Variants in RBFOX1 observed in about 807,000 individuals in gnomAD.
The protein encoded by RBFOX1 is RNA binding fox-1 homolog 1.
RBFOX1 carries 8 observed loss-of-function variants against 57.7 expected under a neutral mutation model. The observed-to-expected ratio is 0.14, with a 90% CI of 0.08 to 0.25. The LOEUF is 0.25. Among genes scored for constraint, RBFOX1 ranks in the 10% least tolerant of loss-of-function variants. The pLI, the probability that RBFOX1 is intolerant of heterozygous loss-of-function variation, is 1.00. For missense variants in RBFOX1, 611 were observed against 548.5 expected (o/e 1.11, Z -1.14); for synonymous variants, 326 against 222.4 (o/e 1.47, Z -4.15).
intron 1 of RBFOX1, among the ~76,000 whole-genome samples, chr16:5,350,695 G>A (rs180932645): frequency 2.6e-4 from 39 of 152,180 alleles, no homozygotes; most frequent in Middle Eastern, 3.4e-3. Flanking sequence ...GTGAAACCCC[G>A]TCTCTAGTGA....
intron 5 of RBFOX1, among the ~76,000 whole-genome samples, chr16:7,571,367 A>G (rs904882029): frequency 1.3e-5 from 2 of 152,198 alleles, no homozygotes; most frequent in Non-Finnish European, 2.9e-5. Context: ...CTACACGACT[A>G]TGCATTTTCT....
intron 1 of RBFOX1, among the ~76,000 whole-genome samples, chr16:6,064,633 C>T (rs112058264): frequency 0.014 from 2,086 of 152,068 alleles, 58 homozygotes; most frequent in African/African-American, 0.048. Context: ...CTCCGCCTCC[C>T]GGGTTCCAGT....
At chr16:7,485,903 G>A (rs903431370) in intron 4 of RBFOX1, among the ~76,000 whole-genome samples, 1 of 152,248 alleles carries the variant, frequency 6.6e-6, no homozygotes, top group Non-Finnish European at 1.5e-5. Context: ...TTGGCACATA[G>A]CCACACCCAT....
chr16:5,332,035 G>T (rs139060590), intron 1 of RBFOX1, among the ~76,000 whole-genome samples: 2 of 152,320 alleles, frequency 1.3e-5, no homozygotes, highest in South Asian at 2.1e-4. Flanking sequence ...GTAGACTCAC[G>T]TCAGGGCCAG....
chr16:6,216,860 C>A lies in RBFOX1; in HGVS notation c.-126-100135C>A, dbSNP rs981508203. On this transcript the variant is annotated intron_variant, in intron 1 of 15. Transcript: ENST00000550418. ...TGAATGTTGACTTTTTGAAAACTTT[C>A]CCTATTTCACTTTTTTTTTTTCCGC... Among the ~76,000 whole-genome samples, 5 of 152,086 alleles carry A rather than the reference C, an allele frequency of 3.3e-5. No individual in the cohort carries two copies. In the East Asian group the frequency reaches 7.7e-4, roughly 24 times the overall value.
At chr16:6,380,332 A>G (rs1044446034) in intron 2 of RBFOX1, among the ~76,000 whole-genome samples, 3 of 147,438 alleles carry the variant, frequency 2.0e-5, no homozygotes, top group Non-Finnish European at 4.5e-5. Context: ...CAGCAAAGGG[A>G]ACACTGGAGG....
chr16:7,468,695 G>A (rs1167081702), intron 4 of RBFOX1, among the ~76,000 whole-genome samples: 2 of 152,140 alleles, frequency 1.3e-5, no homozygotes, highest in Non-Finnish European at 2.9e-5. Context: ...GTCTTCTGAA[G>A]ATAGGTTGTT....
chr16:5,652,040 A>T (rs1234872287), intron 3 of RBFOX1, among the ~76,000 whole-genome samples: 3 of 152,182 alleles, frequency 2.0e-5, no homozygotes, highest in Non-Finnish European at 4.4e-5. Flanking sequence ...AGGCTGAGGC[A>T]CAGGAATCTC....
intron 2 of RBFOX1, among the ~76,000 whole-genome samples, chr16:6,468,886 A>C (rs939223646): frequency 2.6e-5 from 4 of 152,136 alleles, no homozygotes; most frequent in Non-Finnish European, 2.9e-5. Flanking sequence ...TTCATCACCC[A>C]GGTATTAAGC....
chr16:7,152,946 C>G (rs942904184), intron 4 of RBFOX1, among the ~76,000 whole-genome samples: 6 of 152,122 alleles, frequency 3.9e-5, no homozygotes, highest in African/African-American at 1.2e-4. Flanking sequence ...AAGGAGGGAA[C>G]CAAGGAGTGG....
intron 4 of RBFOX1, among the ~76,000 whole-genome samples, chr16:7,343,958 A>G (rs2096944703): frequency 6.6e-6 from 1 of 152,224 alleles, no homozygotes; most frequent in Non-Finnish European, 1.5e-5. Flanking sequence ...CCAAGCGTAA[A>G]GCAATACCAC....
intron 3 of RBFOX1, among the ~76,000 whole-genome samples, chr16:6,880,227 G>A (rs2062658297): frequency 6.6e-6 from 1 of 152,170 alleles, no homozygotes; most frequent in African/African-American, 2.4e-5. Context: ...CCACCGGGGG[G>A]TAGCAACATG....
chr16:6,459,168 T>G (rs933030609), intron 2 of RBFOX1, among the ~76,000 whole-genome samples: 2 of 152,150 alleles, frequency 1.3e-5, no homozygotes, highest in African/African-American at 4.8e-5. Context: ...ACCCCGTCTC[T>G]ACTAAAACTA....
At chr16:7,001,698 C>G (rs765848174) in intron 3 of RBFOX1, among the ~76,000 whole-genome samples, 14 of 152,096 alleles carry the variant, frequency 9.2e-5, no homozygotes, top group Non-Finnish European at 1.9e-4. Context: ...CTGAAGTGAT[C>G]CATCCTCCTT....
chr16:7,539,681 G>C (rs1020485008), intron 5 of RBFOX1, among the ~76,000 whole-genome samples: 1 of 152,126 alleles, frequency 6.6e-6, no homozygotes, highest in Non-Finnish European at 1.5e-5. Context: ...ACTGTTTCTG[G>C]CCACAAAGGA....
At chr16:6,699,180 C>T (rs952183874) in intron 3 of RBFOX1, among the ~76,000 whole-genome samples, 11 of 152,094 alleles carry the variant, frequency 7.2e-5, no homozygotes, top group African/African-American at 2.2e-4. Context: ...GTTTTTAAAC[C>T]ATTTTTATCA....
chr16:6,054,342 A>G (rs1231268080), intron 1 of RBFOX1, among the ~76,000 whole-genome samples: 2 of 150,732 alleles, frequency 1.3e-5, no homozygotes, highest in Non-Finnish European at 3.0e-5. Flanking sequence ...TAATATTCTA[A>G]TTCTGTAATT....
chr16:7,067,415 G>C (rs1049318470), intron 4 of RBFOX1, among the ~76,000 whole-genome samples: 1 of 150,760 alleles, frequency 6.6e-6, no homozygotes, highest in African/African-American at 2.4e-5. Context: ...CGCCAAGGCT[G>C]TGTTTCTTTT....
intron 2 of RBFOX1, among the ~76,000 whole-genome samples, chr16:5,588,557 G>C (rs2046905982): frequency 6.6e-6 from 1 of 152,104 alleles, no homozygotes; most frequent in South Asian, 2.1e-4. Context: ...TGTTGACTTT[G>C]TCTGACGTGG....
Sources: allele counts gnomAD v4.1 joint callset (sites outside exome capture counted in the v4.1 genomes callset), GRCh38; gene constraint gnomAD v4.1.1; transcripts MANE v1.5; gene names NCBI Gene and HGNC (gene_info 2026-07-23, HGNC 2026-07-21).